RIMS1: variants seen among roughly 807,000 people sequenced by gnomAD.
RIMS1 encodes the protein regulating synaptic membrane exocytosis 1.
Under a neutral mutation model 214.1 loss-of-function variants are expected in RIMS1, and 83 were observed. That is an observed-to-expected ratio of 0.39 (90% CI 0.32 to 0.47). The LOEUF is 0.47. RIMS1 is among the 20% of genes least tolerant of loss of function. The probability of loss-of-function intolerance (pLI) is 0.99; values close to 1 mark genes in which losing one functional copy is unlikely to be tolerated. For missense variants in RIMS1, 2,050 were observed against 2,161.8 expected, an observed-to-expected ratio of 0.95 and a Z score of 1.03; for synonymous variants, 793 against 786.8, an observed-to-expected ratio of 1.01 and a Z score of -0.13.
At chr6:72,083,819 CAG>C (rs746764855) in intron 2 of RIMS1, among the ~76,000 whole-genome samples, 1 of 151,858 alleles carries the variant, frequency 6.6e-6, no homozygotes, top group Admixed American at 6.6e-5. Context: ...GACTGAGGAA[CAG>C]AGTTTAAATA....
intron 1 of RIMS1, among the ~76,000 whole-genome samples, chr6:71,954,488 G>A (rs917641831): frequency 1.3e-5 from 2 of 152,058 alleles, no homozygotes; most frequent in Non-Finnish European, 2.9e-5. Flanking sequence ...AGCTTTAACT[G>A]TATTTACATT....
intron 2 of RIMS1, among the ~76,000 whole-genome samples, chr6:71,981,129 A>G (rs1798373266): frequency 1.3e-5 from 2 of 152,150 alleles, no homozygotes; most frequent in South Asian, 4.1e-4. Flanking sequence ...AGATTAAAGC[A>G]GAAGAGTGTC....
chr6:72,382,992 GC>G (rs2098518513), intron 29 of RIMS1, among the ~76,000 whole-genome samples: 1 of 152,094 alleles, frequency 6.6e-6, no homozygotes, highest in African/African-American at 2.4e-5. Context: ...CTTTTAGGCA[GC>G]CTTTTTTTAG....
At chr6:71,924,630 CAAA>C (rs1250868988) in intron 1 of RIMS1, among the ~76,000 whole-genome samples, 3 of 76,220 alleles carry the variant, frequency 3.9e-5, no homozygotes, top group Non-Finnish European at 2.6e-5. Context: ...CCCATCTCTG[CAAA>C]AAAAAAAAAA....
intron 28 of RIMS1, among the ~76,000 whole-genome samples, chr6:72,325,478 A>G (rs1316574959): frequency 6.6e-6 from 1 of 151,182 alleles, no homozygotes; most frequent in Non-Finnish European, 1.5e-5. Flanking sequence ...AACTATTAGA[A>G]TTAATGAATT....
Position 72,155,377 on chromosome 6 carries a change from G to A in RIMS1, c.472-24198G>A, listed in dbSNP as rs781177449. ...TCCAGATACCCTAAATCATCTCTCT[G>A]AGCCCTCCAAACTGTTCCAAACTCT... On this transcript the variant is annotated intron_variant, in intron 4 of 33. Transcript: ENST00000521978. Among the ~76,000 whole-genome samples the A allele has an allele frequency of 5.0e-5, 7 of 140,058 alleles. 2 individuals carry two copies. Among genetic ancestry groups the A allele is most frequent in the Admixed American group, 7.3e-5 (1 of 13,646 alleles). 91.9% of individuals were successfully genotyped at this position (140,058 alleles called of 152,430 possible). A position where few individuals can be genotyped will look rare whatever the true frequency, so the allele number is the denominator to read the frequency against.
intron 2 of RIMS1, among the ~76,000 whole-genome samples, chr6:71,980,161 G>A (rs1798136337): frequency 6.6e-6 from 1 of 152,028 alleles, no homozygotes; most frequent in East Asian, 1.9e-4. Flanking sequence ...AAAACAGGAA[G>A]CTTATAGCCA....
chr6:72,196,603 T>TTA (rs780611745), intron 6 of RIMS1, among the ~76,000 whole-genome samples: 18,009 of 131,832 alleles, frequency 0.14, 2,397 homozygotes, highest in Non-Finnish European at 0.21. Flanking sequence ...TTTTTTTTTT[T>TTA]ACCTATACAG....
rs1437957285 is a variant in RIMS1, at chr6:71,992,410, CTT to C, written c.245+23349_245+23350del. ...CTTCTTTCTTTCTCTCTCTCTCTTT[CTT>C]TCTTTCTTTCTTTCTTTCTTTCTTT... On this transcript the variant is annotated intron_variant, in intron 2 of 33. Transcript: ENST00000521978. Among the ~76,000 whole-genome samples the C allele has an allele frequency of 5.0e-3, 337 of 67,998 alleles. 2 individuals carry two copies. Among genetic ancestry groups the C allele is most frequent in the Middle Eastern group, 0.015 (2 of 136 alleles). 44.6% of individuals were successfully genotyped at this position (67,998 alleles called of 152,430 possible).
Position 72,261,492 on chromosome 6 carries a change from G to T in RIMS1, c.3116+725G>T, listed in dbSNP as rs536009394. On this transcript the variant is annotated intron_variant, in intron 19 of 33. Coordinates refer to ENST00000521978, the MANE Select transcript of RIMS1 (RefSeq NM_014989.7). The stretch of plus-strand genomic sequence containing the variant: ...ATTACATCTTTAATTTCATATCCAA[G>T]TAAAACTTCTTACAGATTACTCATG... 118 of 957,456 alleles carry T rather than the reference G, an allele frequency of 1.2e-4. 1 individual carries two copies. In the South Asian group the frequency reaches 5.1e-3, roughly 42 times the overall value. 59.3% of individuals were successfully genotyped at this position (957,456 alleles called of 1,614,324 possible).
intron 16 of RIMS1, among the ~76,000 whole-genome samples, chr6:72,255,846 C>A (rs866590704): frequency 2.6e-5 from 4 of 151,736 alleles, no homozygotes; most frequent in South Asian, 2.1e-4. Context: ...GACCAGCCTG[C>A]CCAATGTGGT....
Position 72,401,566 on chromosome 6 carries a change from A to G in RIMS1, c.*852A>G, listed in dbSNP as rs921286695. 14 of 152,654 alleles carry G rather than the reference A, an allele frequency of 9.2e-5. No individual in the cohort carries two copies. Among genetic ancestry groups the G allele is most frequent in the Admixed American group, 5.2e-4 (8 of 15,284 alleles). The allele number at this position is 152,654 out of a possible 1,614,324, so 9.5% of individuals were successfully genotyped here. On this transcript the variant is annotated 3_prime_UTR_variant, in exon 34 of 34. Transcript: ENST00000521978. ...AGACTTTTAAAGAAGTCAATCTGCA[A>G]CTAATGCTGGGGACTAAAACTAACT...
At chr6:71,892,184 A>G (rs1770104534) in intron 1 of RIMS1, among the ~76,000 whole-genome samples, 1 of 152,194 alleles carries the variant, frequency 6.6e-6, no homozygotes, top group African/African-American at 2.4e-5. Flanking sequence ...AAGTGCATTG[A>G]GTGCTGGCTA....
rs58706262 is a variant in RIMS1, at chr6:72,398,163, G to A, written c.4619-86G>A. 478 of 733,736 alleles carry A rather than the reference G, an allele frequency of 6.5e-4. No individual in the cohort carries two copies. In the African/African-American group the frequency reaches 7.8e-3, roughly 12 times the overall value. The allele number at this position is 733,736 out of a possible 1,614,324, so 45.5% of individuals were successfully genotyped here. On this transcript the variant is annotated intron_variant, in intron 31 of 33. Transcript: ENST00000521978. ...ATCAAAATCATGAAGATAAAAATCT[G>A]TAGTCTGTTACGGGCTCTCCTTTTT...
At chr6:71,998,224 T>C (rs965812278) in intron 2 of RIMS1, among the ~76,000 whole-genome samples, 9 of 152,180 alleles carry the variant, frequency 5.9e-5, no homozygotes, top group African/African-American at 1.9e-4. Context: ...AAATTTAGAA[T>C]ATTATTGTAA....
In RIMS1 at chr6:72,266,035, AC is replaced by A; in HGVS notation, c.3386del (p.Pro1129GlnfsTer12). The part of the protein sequence containing the change: ...CLRPDTSLHS[P>X]ERERGRWSPS... ...TGAGACCAGATACTAGTTTGCATTC[AC>A]CAGAACGAGAAAGGTATAAAATAAA... is the stretch of plus-strand genomic sequence containing the variant. On this transcript the variant is annotated frameshift_variant, in exon 22 of 34. Transcript: ENST00000521978. LOFTEE classifies it high-confidence loss of function. 1 of 1,578,754 alleles carries A rather than the reference AC, an allele frequency of 6.3e-7. No individual in the cohort carries two copies.
intron 2 of RIMS1, among the ~76,000 whole-genome samples, chr6:72,016,639 A>G (rs1435680988): frequency 1.3e-5 from 2 of 152,160 alleles, no homozygotes; most frequent in Admixed American, 6.5e-5. Context: ...AAATTTTGCC[A>G]GTGTTCTTAT....
intron 1 of RIMS1, among the ~76,000 whole-genome samples, chr6:71,926,514 A>G (rs1251168721): frequency 6.6e-6 from 1 of 152,228 alleles, no homozygotes; most frequent in Non-Finnish European, 1.5e-5. Context: ...ATCTATATAA[A>G]GCTGATTTAA....
At chr6:72,247,535 C>CAAA (rs10717559) in intron 11 of RIMS1, among the ~76,000 whole-genome samples, 17 of 103,972 alleles carry the variant, frequency 1.6e-4, no homozygotes, top group South Asian at 3.2e-4. Context: ...AACTCTGTCT[C>CAAA]AAAAAAAAAA....
Sources: gnomAD v4.1 joint callset for allele counts (sites outside exome capture counted in the v4.1 genomes callset) on GRCh38, gnomAD v4.1.1 for gene constraint, MANE v1.5 for transcripts, NCBI Gene and HGNC (gene_info 2026-07-23, HGNC 2026-07-21) for gene names.